The following PHF2 variants were observed in gnomAD, a reference collection of about 807,000 sequenced individuals.
The protein encoded by PHF2 is PHD finger protein 2.
PHF2 carries 27 observed loss-of-function variants against 120.5 expected under a neutral mutation model. The ratio of observed to expected loss-of-function variants is 0.22; its 90% CI spans 0.17 to 0.31. The LOEUF is 0.31. PHF2 is among the 10% of genes least tolerant of loss of function. PHF2 has a pLI of 1.00. For synonymous variants in PHF2, 568 were observed against 592.5 expected (o/e 0.96, Z 0.60); for missense variants, 1,024 against 1,434.8 (o/e 0.71, Z 4.63).
intron 1 of PHF2, among the ~76,000 whole-genome samples, chr9:93,590,029 A>G (rs1041500): frequency 0.42 from 64,601 of 152,066 alleles, 14,491 homozygotes; most frequent in South Asian, 0.63. Flanking sequence ...CCTGGTCTGT[A>G]TGTTTTTGTG....
intron 1 of PHF2, among the ~76,000 whole-genome samples, chr9:93,607,734 T>A (rs2131623209): frequency 6.6e-6 from 1 of 152,346 alleles, no homozygotes; most frequent in African/African-American, 2.4e-5. Context: ...TTATATCTAA[T>A]TATTTTATTT....
chr9:93,649,174 G>C lies in PHF2; in HGVS notation c.564G>C (p.Arg188=). 1.9e-6 allele frequency: 3 copies of C among 1,551,338 alleles called. No homozygotes were observed. The highest frequency in any genetic ancestry group is 4.9e-5 in the East Asian group (2 of 40,856). ...VDYYYSTNRK[R]VLNVTNLEFS... is the part of the protein sequence containing the mutation. ...ATTACTACAGCACCAACCGCAAGCGGGTCCTCAACGTCACCAACCTCGAGT... is the reference window on the plus strand; with the variant it reads ...ATTACTACAGCACCAACCGCAAGCGCGTCCTCAACGTCACCAACCTCGAGT... Residue 188 remains arginine (R), a synonymous_variant, in exon 5 of 22, where the codon CGG becomes CGC. Coordinates refer to ENST00000359246, the MANE Select transcript of PHF2 (RefSeq NM_005392.4).
At chr9:93,672,801 TAG>T in intron 17 of PHF2, 1 of 982,992 alleles carries the variant, frequency 1.0e-6, no homozygotes, top group South Asian at 4.7e-5. Context: ...GGTACAGGTG[TAG>T]ATGCATGTAT....
intron 2 of PHF2, among the ~76,000 whole-genome samples, chr9:93,631,303 A>C (rs1344371393): frequency 6.6e-6 from 1 of 152,106 alleles, no homozygotes; most frequent in Admixed American, 6.5e-5. Flanking sequence ...TGGGGGCTGC[A>C]TGTGTTTCAG....
intron 1 of PHF2, among the ~76,000 whole-genome samples, chr9:93,613,983 CT>C (rs1297540565): frequency 1.3e-5 from 2 of 152,208 alleles, no homozygotes; most frequent in African/African-American, 4.8e-5. Context: ...CCCTTTCTTG[CT>C]GTTTAATCCT....
rs765878970 is a variant in PHF2, at chr9:93,679,372, A to G, written c.*1696A>G. ...TACCCTGCCCTTGTTGAACATTTATATAATCTAACCTGGACATCAAGCTGT... is the reference window on the plus strand; with the variant it reads ...TACCCTGCCCTTGTTGAACATTTATGTAATCTAACCTGGACATCAAGCTGT... On this transcript the variant is annotated 3_prime_UTR_variant, in exon 22 of 22. Transcript: ENST00000359246. The G allele has an allele frequency of 1.0e-4, 44 of 426,696 alleles. No individual in the cohort carries two copies. The highest frequency in any genetic ancestry group is 2.0e-4 in the Non-Finnish European group (43 of 217,226). 26.4% of individuals were successfully genotyped at this position (426,696 alleles called of 1,614,324 possible).
chr9:93,580,039 C>T (rs1862904452), intron 1 of PHF2, among the ~76,000 whole-genome samples: 2 of 152,240 alleles, frequency 1.3e-5, no homozygotes, highest in South Asian at 4.1e-4. Flanking sequence ...CCTGCATTCA[C>T]TGGAGGGGAA....
At chr9:93,626,684 T>G (rs574044129) in intron 1 of PHF2, among the ~76,000 whole-genome samples, 1 of 152,362 alleles carries the variant, frequency 6.6e-6, no homozygotes, top group South Asian at 2.1e-4. Flanking sequence ...TTTACTCCTA[T>G]GTTTTCTTCT....
intron 1 of PHF2, among the ~76,000 whole-genome samples, chr9:93,577,316 G>T (rs1416060112): frequency 6.6e-6 from 1 of 151,818 alleles, no homozygotes; most frequent in East Asian, 1.9e-4. Flanking sequence ...GGGTTGGCCG[G>T]GCCGGGAGAA....
intron 1 of PHF2, among the ~76,000 whole-genome samples, chr9:93,603,319 C>A (rs1270864875): frequency 6.6e-6 from 1 of 152,222 alleles, no homozygotes; most frequent in Non-Finnish European, 1.5e-5. Flanking sequence ...CCGACCCCGA[C>A]TTAGCTGTGG....
chr9:93,595,183 A>G lies in PHF2; in HGVS notation c.98+18312A>G, dbSNP rs537812137. On this transcript the variant is annotated intron_variant, in intron 1 of 21. Transcript: ENST00000359246. ...TACAGATGAGAAATGATTAGTCATA[A>G]CTATTCAGGTATTTATAGATACTAA... Among the ~76,000 whole-genome samples the G allele has an allele frequency of 2.0e-5, 3 of 152,364 alleles. No individual in the cohort carries two copies. In the South Asian group the frequency reaches 6.2e-4, roughly 32 times the overall value.
rs184758019 is a variant in PHF2, at chr9:93,662,657, T to C, written c.1699-250T>C. 2.3e-3 allele frequency among the ~76,000 whole-genome samples: 342 copies of C among 150,950 alleles called. 1 individual carries two copies. The highest frequency in any genetic ancestry group is 7.9e-3 in the African/African-American group (324 of 40,974). Reference sequence around the variant, plus strand: ...TTGGTGGATGAATGAACGGGATGAATGAATGGATGAATGGGTTGGCAGATG... The same window carrying C: ...TTGGTGGATGAATGAACGGGATGAACGAATGGATGAATGGGTTGGCAGATG... On this transcript the variant is annotated intron_variant, in intron 12 of 21. Coordinates refer to ENST00000359246, the MANE Select transcript of PHF2 (RefSeq NM_005392.4).
chr9:93,665,588 C>G, intron 14 of PHF2, 98 bp from the exon 15 acceptor site: 1 of 1,347,244 alleles, frequency 7.4e-7, no homozygotes, highest in Non-Finnish European at 1.0e-6. Flanking sequence ...TGGAGGCCAT[C>G]CTGCCGCGGC....
chr9:93,647,861 C>G (rs1322792534), intron 4 of PHF2, among the ~76,000 whole-genome samples: 5 of 151,012 alleles, frequency 3.3e-5, no homozygotes, highest in Non-Finnish European at 5.9e-5. Context: ...TGCACTCCAG[C>G]CTGGGCAAAA....
chr9:93,659,408 A>T, intron 10 of PHF2, 103 bp from the exon 11 acceptor site: 4 of 924,722 alleles, frequency 4.3e-6, no homozygotes, highest in Non-Finnish European at 7.0e-6. Context: ...CCTCATGCTC[A>T]TCTGAGTGGC....
chr9:93,654,734 G>GA (rs562301773), intron 7 of PHF2, among the ~76,000 whole-genome samples, 159 bp downstream of exon 7: 14 of 152,214 alleles, frequency 9.2e-5, no homozygotes, highest in Admixed American at 6.5e-4. Context: ...AAAGGAGGTT[G>GA]AAACTGGGCA....
intron 1 of PHF2, among the ~76,000 whole-genome samples, chr9:93,599,789 T>C (rs2131614790): frequency 6.6e-6 from 1 of 152,354 alleles, no homozygotes; most frequent in Non-Finnish European, 1.5e-5. Flanking sequence ...GAGGCGCCGG[T>C]GGGGCCAGGT....
At chr9:93,653,131 A>G in intron 5 of PHF2, 48 bp from the exon 6 acceptor site, 1 of 1,572,360 alleles carries the variant, frequency 6.4e-7, no homozygotes, top group South Asian at 1.1e-5. Flanking sequence ...AGGGGAAATA[A>G]AAAAGGGAGT....
rs118190934 is a variant in PHF2, at chr9:93,609,703, A to C, written c.99-20267A>C. On this transcript the variant is annotated intron_variant, in intron 1 of 21. Transcript: ENST00000359246. ...CCATTCCCTGACATTTTTCTTTTTT[A>C]TTTTCTTATTTTTTTTCGAGATGGA... Among the ~76,000 whole-genome samples the C allele has an allele frequency of 2.8e-4, 42 of 150,250 alleles. No homozygotes were observed. The East Asian group carries it at 6.7e-3, about 24-fold the overall frequency.
Sources: allele counts gnomAD v4.1 joint callset (sites outside exome capture counted in the v4.1 genomes callset), GRCh38; gene constraint gnomAD v4.1.1; transcripts MANE v1.5; gene names NCBI Gene and HGNC (gene_info 2026-07-23, HGNC 2026-07-21).